PHF14: variants seen among roughly 807,000 people sequenced by gnomAD.
PHF14 encodes the protein PHD finger protein 14.
PHF14 carries 55 observed loss-of-function variants against 117.9 expected under a neutral mutation model. The observed-to-expected ratio is 0.47, with a 90% confidence interval of 0.38 to 0.58. The LOEUF (loss-of-function observed/expected upper bound fraction) is 0.58. Among genes scored for constraint, PHF14 ranks in the 20% least tolerant of loss-of-function variants. PHF14 has a pLI of 0.00. For missense variants in PHF14, 978 were observed against 1,122.2 expected (o/e 0.87, Z 1.84); for synonymous variants, 409 against 368.6 (o/e 1.11, Z -1.26).
chr7:11,003,476 A>G (rs987121400), intron 4 of PHF14, among the ~76,000 whole-genome samples: 3 of 152,062 alleles, frequency 2.0e-5, no homozygotes, highest in African/African-American at 7.2e-5. Flanking sequence ...TTTTAATTTT[A>G]TTTTTAAATA....
chr7:10,974,398 G>A (rs1279863788), intron 1 of PHF14, 74 bp downstream of exon 1: 2 of 1,281,882 alleles, frequency 1.6e-6, no homozygotes, highest in Non-Finnish European at 2.2e-6. Flanking sequence ...GTGGGAGCAG[G>A]GCAGGGGTGG....
intron 5 of PHF14, among the ~76,000 whole-genome samples, chr7:11,020,982 A>T (rs1256968688): frequency 1.3e-5 from 2 of 152,236 alleles, no homozygotes; most frequent in Admixed American, 1.3e-4. Flanking sequence ...GAATGAAGGA[A>T]TGAAAATAAC....
In PHF14 at chr7:11,153,649, G is replaced by A. The variant is rs184282531; in HGVS notation, c.2773-15767G>A. Among the ~76,000 whole-genome samples, 27 of 152,082 alleles carry A rather than the reference G, an allele frequency of 1.8e-4. No individual in the cohort carries two copies. In the East Asian group the frequency reaches 5.0e-3, roughly 28 times the overall value. ...GTTCTAAGGACAGCATTAAACAGAG[G>A]GAAAAACTCATAGAACTAGAAGAAA... On this transcript the variant is annotated intron_variant, in intron 17 of 17. Coordinates refer to ENST00000634607, the MANE Select transcript of PHF14 (RefSeq NM_001007157.2).
chr7:11,097,613 G>A (rs1786926561), intron 16 of PHF14, among the ~76,000 whole-genome samples: 1 of 152,148 alleles, frequency 6.6e-6, no homozygotes, highest in African/African-American at 2.4e-5. Flanking sequence ...ATGTTGTTAT[G>A]CAGCTATTGT....
chr7:11,118,459 A>T (rs945633311), intron 17 of PHF14, among the ~76,000 whole-genome samples: 35 of 151,838 alleles, frequency 2.3e-4, no homozygotes, highest in Non-Finnish European at 1.6e-4. Context: ...TGAGTGCTGT[A>T]CTTTGGGACT....
intron 17 of PHF14, among the ~76,000 whole-genome samples, chr7:11,120,635 A>G (rs1787723943): frequency 6.6e-6 from 1 of 152,076 alleles, no homozygotes; most frequent in Non-Finnish European, 1.5e-5. Flanking sequence ...AAATTTTTTT[A>G]AAGTATATGC....
intron 3 of PHF14, among the ~76,000 whole-genome samples, chr7:10,988,625 G>A (rs527913569): frequency 2.9e-4 from 42 of 147,288 alleles, no homozygotes; most frequent in African/African-American, 1.1e-3. Context: ...AAGTAGTAGT[G>A]CTCATTGGAG....
chr7:11,081,627 T>C (rs973830889), intron 16 of PHF14, among the ~76,000 whole-genome samples: 15 of 152,204 alleles, frequency 9.9e-5, no homozygotes, highest in Non-Finnish European at 1.6e-4. Context: ...GAGGCCGAGG[T>C]GGGCGGATCA....
chr7:11,105,726 A>G, intron 16 of PHF14: 1 of 984,812 alleles, frequency 1.0e-6, no homozygotes, highest in Non-Finnish European at 1.2e-6. Context: ...CCTCTTTCCC[A>G]TAGTGCTCAC....
intron 16 of PHF14, among the ~76,000 whole-genome samples, chr7:11,083,105 A>C (rs1036248795): frequency 3.3e-5 from 5 of 152,176 alleles, no homozygotes; most frequent in Non-Finnish European, 7.3e-5. Flanking sequence ...AATCGGGTCT[A>C]GCTTAGATTG....
chr7:10,997,098 C>G (rs1225684271), intron 4 of PHF14, among the ~76,000 whole-genome samples: 1 of 152,228 alleles, frequency 6.6e-6, no homozygotes, highest in African/African-American at 2.4e-5. Context: ...CTTGGTCCTT[C>G]TATCCCTTTC....
chr7:11,080,045 A>G (rs1238126647), intron 16 of PHF14, among the ~76,000 whole-genome samples: 1 of 152,182 alleles, frequency 6.6e-6, no homozygotes, highest in East Asian at 1.9e-4. Flanking sequence ...CAACTTTAAG[A>G]GGATACATTT....
intron 10 of PHF14, among the ~76,000 whole-genome samples, chr7:11,038,503 C>T (rs1784386984): frequency 6.8e-6 from 1 of 147,956 alleles, no homozygotes; most frequent in African/African-American, 2.5e-5. Context: ...ACTAAAAATA[C>T]AAAAATTAGC....
chr7:11,138,704 G>T (rs775490119), intron 17 of PHF14, among the ~76,000 whole-genome samples: 1 of 152,186 alleles, frequency 6.6e-6, no homozygotes, highest in Non-Finnish European at 1.5e-5. Flanking sequence ...AAAGAGAAAA[G>T]AGATCGTGAG....
At chr7:11,094,146 A>G (rs977132294) in intron 16 of PHF14, among the ~76,000 whole-genome samples, 9 of 152,192 alleles carry the variant, frequency 5.9e-5, no homozygotes, top group African/African-American at 2.2e-4. Flanking sequence ...CTAATGGCCC[A>G]AATTGTCTGA....
Position 11,103,629 on chromosome 7 carries a change from G to T in PHF14, c.2655-7721G>T, listed in dbSNP as rs3801456. ...GTCAACATGTAATTTGGAATTTTCT[G>T]ATTAATAAATGTGGTTTTGGACATC... On this transcript the variant is annotated intron_variant, in intron 16 of 17. Coordinates refer to ENST00000634607, the MANE Select transcript of PHF14 (RefSeq NM_001007157.2). The T allele has an allele frequency of 4.3e-3, 4,253 of 985,090 alleles. 150 individuals are homozygous for T. In the East Asian group the frequency reaches 0.12, roughly 28 times the overall value. 61.0% of individuals were successfully genotyped at this position (985,090 alleles called of 1,614,324 possible). A position where few individuals can be genotyped will look rare whatever the true frequency, so the allele number is the denominator to read the frequency against.
intron 2 of PHF14, 38 bp downstream of exon 2, chr7:10,974,983 C>CTGGA: frequency 9.6e-7 from 1 of 1,038,698 alleles, no homozygotes; most frequent in Non-Finnish European, 1.5e-6. Flanking sequence ...TCCCAGCTTT[C>CTGGA]TGGAGTTAGG....
intron 16 of PHF14, among the ~76,000 whole-genome samples, chr7:11,101,551 T>C (rs1294951752): frequency 6.6e-6 from 1 of 151,864 alleles, no homozygotes; most frequent in African/African-American, 2.4e-5. Context: ...ATACAACATG[T>C]CTTTGAAAAT....
chr7:11,006,605 C>G (rs975457522), intron 4 of PHF14: 1 of 611,302 alleles, frequency 1.6e-6, no homozygotes, highest in African/African-American at 1.8e-5. Context: ...TGTCTTCTAT[C>G]TTCTTCATGG....
Sources: allele counts gnomAD v4.1 joint callset (sites outside exome capture counted in the v4.1 genomes callset), GRCh38; gene constraint gnomAD v4.1.1; transcripts MANE v1.5; gene names NCBI Gene and HGNC (gene_info 2026-07-23, HGNC 2026-07-21).